The following TRAPPC9 variants were observed in gnomAD, a reference collection of about 807,000 sequenced individuals.
The protein encoded by TRAPPC9 is IKK2 binding protein.
In TRAPPC9, 83 loss-of-function variants were observed where a neutral mutation model predicts 124.0. That is an observed-to-expected ratio of 0.67 (90% confidence interval 0.56 to 0.80). The LOEUF is 0.80. TRAPPC9 is among the 30% of genes least tolerant of loss of function. The pLI, the probability that TRAPPC9 is intolerant of heterozygous loss-of-function variation, is 0.00. For synonymous variants in TRAPPC9, 638 were observed against 617.5 expected, an observed-to-expected ratio of 1.03 and a Z score of -0.49; for missense variants, 1,302 against 1,508.3, an observed-to-expected ratio of 0.86 and a Z score of 2.27.
chr8:139,951,956 A>G (rs1233420590), intron 19 of TRAPPC9, among the ~76,000 whole-genome samples: 2 of 152,166 alleles, frequency 1.3e-5, no homozygotes, highest in East Asian at 1.9e-4. Context: ...CCACATTCCA[A>G]TCATTTGCGC....
Position 139,881,005 on chromosome 8 carries a change from C to T in TRAPPC9, c.3055+4874G>A, listed in dbSNP as rs577020612. 32 of 152,370 alleles carry T rather than the reference C, an allele frequency of 2.1e-4. 2 individuals carry two copies. In the Middle Eastern group the frequency reaches 0.024, roughly 113 times the overall value. 9.4% of individuals were successfully genotyped at this position (152,370 alleles called of 1,614,324 possible). A position where few individuals can be genotyped will look rare whatever the true frequency, so the allele number is the denominator to read the frequency against. Reference sequence around the variant, plus strand: ...TTGTTTCTTAAAAGCCATGCATTTTCTCCAGGATAAAGGGATTATATTCGC... The same window carrying T: ...TTGTTTCTTAAAAGCCATGCATTTTTTCCAGGATAAAGGGATTATATTCGC... On this transcript the variant is annotated intron_variant, in intron 21 of 22. Transcript: ENST00000438773.
chr8:139,964,181 G>T (rs1218857568), intron 19 of TRAPPC9, among the ~76,000 whole-genome samples: 2 of 132,934 alleles, frequency 1.5e-5, no homozygotes, highest in East Asian at 5.0e-4. Context: ...CAGAGATCGC[G>T]CCACCTGTAC....
intron 19 of TRAPPC9, among the ~76,000 whole-genome samples, chr8:139,976,863 G>A (rs1836511684): frequency 1.3e-5 from 2 of 152,186 alleles, no homozygotes; most frequent in African/African-American, 4.8e-5. Flanking sequence ...CTGCTCCTCT[G>A]AGAGGAGCAG....
intron 17 of TRAPPC9, among the ~76,000 whole-genome samples, chr8:140,177,332 G>A (rs1440743256): frequency 2.0e-5 from 3 of 152,122 alleles, no homozygotes; most frequent in Non-Finnish European, 4.4e-5. Context: ...GTGGGGTTAA[G>A]GGTCGGAGTT....
intron 17 of TRAPPC9, among the ~76,000 whole-genome samples, chr8:140,093,845 C>T (rs946159199): frequency 2.0e-5 from 3 of 152,152 alleles, no homozygotes; most frequent in African/African-American, 7.2e-5. Flanking sequence ...AGAATCCCAA[C>T]CATGGCCACA....
intron 17 of TRAPPC9, among the ~76,000 whole-genome samples, chr8:140,078,183 T>C (rs889074349): frequency 2.4e-4 from 36 of 152,214 alleles, no homozygotes; most frequent in African/African-American, 7.7e-4. Context: ...TGCGTTCAAA[T>C]TGCAAAAATA....
intron 19 of TRAPPC9, among the ~76,000 whole-genome samples, chr8:139,950,481 T>G (rs967409586): frequency 2.0e-5 from 3 of 152,188 alleles, no homozygotes; most frequent in Non-Finnish European, 4.4e-5. Flanking sequence ...AGGGCTCAAG[T>G]CAAATCTGCT....
intron 21 of TRAPPC9, among the ~76,000 whole-genome samples, chr8:139,861,503 G>T (rs767743706): frequency 1.3e-5 from 2 of 152,152 alleles, no homozygotes; most frequent in African/African-American, 2.4e-5. Flanking sequence ...AGGACTGTTG[G>T]GAAAGTTGTT....
chr8:139,912,003 A>G (rs1831767368), intron 19 of TRAPPC9, among the ~76,000 whole-genome samples: 1 of 152,208 alleles, frequency 6.6e-6, no homozygotes. Flanking sequence ...CCGCAAGCAG[A>G]GGACAGTGCT....
chr8:139,926,486 G>A (rs558212233), intron 19 of TRAPPC9, among the ~76,000 whole-genome samples: 148 of 151,856 alleles, frequency 9.7e-4, no homozygotes, highest in African/African-American at 3.4e-3. Context: ...CCAGACTCCC[G>A]TGACAAAAGA....
At chr8:140,156,753 C>G (rs2061637719) in intron 17 of TRAPPC9, among the ~76,000 whole-genome samples, 1 of 152,124 alleles carries the variant, frequency 6.6e-6, no homozygotes, top group East Asian at 1.9e-4. Context: ...GCCACTGATA[C>G]AATATGAGGG....
rs1258389949 is a variant in TRAPPC9, at chr8:139,885,910, C to T, written c.3024G>A (p.Leu1008=). 1.9e-6 allele frequency: 3 copies of T among 1,571,268 alleles called. No homozygotes were observed. In the South Asian group the frequency reaches 3.5e-5, roughly 18 times the overall value. The change falls in exon 21 of 23, where the codon CTG becomes CTA. Residue 1008 remains leucine (L), a synonymous_variant. Transcript: ENST00000438773. ...GCAGAGGCGCCAGCTGCAGGTGCTCCAGGACGAGCTGGTTCAGGAGTCCTT... is the reference window on the plus strand; with the variant it reads ...GCAGAGGCGCCAGCTGCAGGTGCTCTAGGACGAGCTGGTTCAGGAGTCCTT... The part of the protein sequence containing the change: ...SVEGLLNQLV[L]EHLQLAPLQW...
rs576206788 is a variant in TRAPPC9, at chr8:139,730,641, C to T, written c.*420G>A. ...AAGCTGCCCACGCCCTCAGGCTGTG[C>T]CCAGTCTCATGCTCACCATTTCTTT... On this transcript the variant is annotated 3_prime_UTR_variant, in exon 23 of 23. Coordinates refer to ENST00000438773, the MANE Select transcript of TRAPPC9 (RefSeq NM_001160372.4). 85 of 215,258 alleles carry T rather than the reference C, an allele frequency of 3.9e-4. No homozygotes were observed. Among genetic ancestry groups the T allele is most frequent in the African/African-American group, 1.9e-3 (82 of 44,182 alleles). The allele number at this position is 215,258 out of a possible 1,614,324, so 13.3% of individuals were successfully genotyped here.
chr8:140,281,665 C>G (rs960448747), intron 14 of TRAPPC9, among the ~76,000 whole-genome samples: 2 of 152,190 alleles, frequency 1.3e-5, no homozygotes, highest in Non-Finnish European at 2.9e-5. Context: ...CATCAAAGAA[C>G]TCTGCCCAAT....
rs139947704 is a variant in TRAPPC9 at position 140,263,989 on chromosome 8, A to G, written c.2279-11060T>C. On this transcript the variant is annotated intron_variant, in intron 15 of 22. Coordinates refer to ENST00000438773, the MANE Select transcript of TRAPPC9 (RefSeq NM_001160372.4). ...ACTGAATCCTTTCCCCCGCTCCCCA[A>G]GACACTCCACTCTATGACAATACCA... 1.1e-3 allele frequency among the ~76,000 whole-genome samples: 172 copies of G among 152,278 alleles called. 1 individual carries two copies. The East Asian group carries it at 0.029, about 25-fold the overall frequency.
At position 140,443,959 on chromosome 8, in the gene TRAPPC9, C is replaced by T. The variant is rs534083183; in HGVS notation, c.585-4762G>A. 5.5e-5 allele frequency among the ~76,000 whole-genome samples: 8 copies of T among 144,698 alleles called. No individual in the cohort carries two copies. The South Asian group carries it at 1.1e-3, about 20-fold the overall frequency. 94.9% of individuals were successfully genotyped at this position (144,698 alleles called of 152,430 possible). A position where few individuals can be genotyped will look rare whatever the true frequency, so the allele number is the denominator to read the frequency against. On this transcript the variant is annotated intron_variant, in intron 2 of 22. Coordinates refer to ENST00000438773, the MANE Select transcript of TRAPPC9 (RefSeq NM_001160372.4). ...ACTGAGGCAGGAGAATGGCCTGAAC[C>T]GGGGAGGCGGAGCTTGCAGTGAGCC... is the stretch of plus-strand genomic sequence containing the variant.
At chr8:140,145,339 T>C (rs988529568) in intron 17 of TRAPPC9, among the ~76,000 whole-genome samples, 21 of 151,938 alleles carry the variant, frequency 1.4e-4, no homozygotes, top group African/African-American at 4.1e-4. Flanking sequence ...AGCAGAAGCA[T>C]TGATGGCAGA....
At chr8:140,414,782 C>T (rs1239472253) in intron 5 of TRAPPC9, among the ~76,000 whole-genome samples, 1 of 151,990 alleles carries the variant, frequency 6.6e-6, no homozygotes, top group African/African-American at 2.4e-5. Flanking sequence ...CTCTCTGTCC[C>T]CCAGTCTGGA....
At chr8:140,367,647 G>A (rs545211905) in intron 8 of TRAPPC9, among the ~76,000 whole-genome samples, 1 of 152,108 alleles carries the variant, frequency 6.6e-6, no homozygotes, top group Admixed American at 6.5e-5. Context: ...ATATCATAAT[G>A]GTGGATACTC....
Sources: allele counts gnomAD v4.1 joint callset (sites outside exome capture counted in the v4.1 genomes callset), GRCh38; gene constraint gnomAD v4.1.1; transcripts MANE v1.5; gene names NCBI Gene and HGNC (gene_info 2026-07-23, HGNC 2026-07-21).